Variants in MIA2 observed in about 807,000 individuals in gnomAD.
MIA2 encodes the protein MIA SH3 domain ER export factor 2.
In MIA2, 127 loss-of-function variants were observed where a neutral mutation model predicts 167.8. That is an observed-to-expected ratio of 0.76 (90% CI 0.66 to 0.88). The LOEUF (loss-of-function observed/expected upper bound fraction) is 0.88, where lower values mean the gene tolerates loss of function less well. Among genes scored for constraint, MIA2 ranks in the 40% least tolerant of loss-of-function variants. MIA2 has a pLI of 0.00. For missense variants in MIA2, 1,690 were observed against 1,624.7 expected (o/e 1.04, Z -0.69); for synonymous variants, 552 against 541.9 (o/e 1.02, Z -0.26).
At chr14:39,341,224 C>G (rs1465504099) in intron 25 of MIA2, among the ~76,000 whole-genome samples, 1 of 151,950 alleles carries the variant, frequency 6.6e-6, no homozygotes, top group Non-Finnish European at 1.5e-5. Context: ...ATTGCTTGAC[C>G]CTGGGAGGGA....
intron 11 of MIA2, among the ~76,000 whole-genome samples, chr14:39,293,729 G>A (rs868350474): frequency 1.3e-5 from 2 of 152,118 alleles, no homozygotes; most frequent in African/African-American, 2.4e-5. Context: ...AAATCTTGAT[G>A]TATGTGAGAT....
chr14:39,237,148 C>A, intron 2 of MIA2, 93 bp downstream of exon 2: 2 of 1,403,354 alleles, frequency 1.4e-6, no homozygotes, highest in Non-Finnish European at 2.0e-6. Flanking sequence ...GGAAACAGGG[C>A]CTGGCTCTGT....
chr14:39,329,680 G>T (rs182012164), intron 25 of MIA2, among the ~76,000 whole-genome samples: 1 of 151,130 alleles, frequency 6.6e-6, no homozygotes, highest in African/African-American at 2.4e-5. Flanking sequence ...TAGCATGAAG[G>T]GGTGTTGGAT....
At chr14:39,293,031 C>T (rs931203715) in intron 10 of MIA2, among the ~76,000 whole-genome samples, 2 of 152,038 alleles carry the variant, frequency 1.3e-5, no homozygotes, top group African/African-American at 4.8e-5. Context: ...ACTGCAGTGG[C>T]ATAGTTGAGT....
At chr14:39,237,671 A>C (rs1249928488) in intron 2 of MIA2, among the ~76,000 whole-genome samples, 1 of 152,010 alleles carries the variant, frequency 6.6e-6, no homozygotes, top group Non-Finnish European at 1.5e-5. Flanking sequence ...ATTTATTTGG[A>C]GGGACTTCAT....
At chr14:39,314,047 A>G (rs2064864962) in intron 19 of MIA2, among the ~76,000 whole-genome samples, 1 of 152,212 alleles carries the variant, frequency 6.6e-6, no homozygotes, top group Admixed American at 6.5e-5. Context: ...ACCAAGTAAC[A>G]TTTTACTTCA....
chr14:39,315,335 G>T, intron 20 of MIA2: 1 of 178,938 alleles, frequency 5.6e-6, no homozygotes, highest in Non-Finnish European at 1.1e-5. Flanking sequence ...AAATAAAATT[G>T]CCGTATCTCC....
rs773746975 is a variant in MIA2 at position 39,276,916 on chromosome 14, C to T, written c.1888-18C>T. On this transcript the variant is annotated intron_variant, in intron 6 of 28. Coordinates refer to ENST00000640607, the MANE Select transcript of MIA2 (RefSeq NM_001329214.4). ...CCAAAAGTACATTTTTAAGAACTTACTTTTCTTTATCTTGAAGGTTGTGGC... is the reference window on the plus strand; with the variant it reads ...CCAAAAGTACATTTTTAAGAACTTATTTTTCTTTATCTTGAAGGTTGTGGC... The T allele has an allele frequency of 1.1e-5, 17 of 1,604,950 alleles. No individual in the cohort carries two copies. The highest frequency in any genetic ancestry group is 4.5e-5 in the East Asian group (2 of 44,790).
At chr14:39,267,310 A>AGCTCCCCCC in intron 6 of MIA2, 1 of 1,488,016 alleles carries the variant, frequency 6.7e-7, no homozygotes, top group Non-Finnish European at 8.9e-7. Context: ...CCTGTCCCCC[A>AGCTCCCCCC]GCTCCCCCCG....
intron 15 of MIA2, among the ~76,000 whole-genome samples, 200 bp downstream of exon 15, chr14:39,302,449 C>T (rs1595350957): frequency 6.6e-6 from 1 of 152,190 alleles, no homozygotes; most frequent in Non-Finnish European, 1.5e-5. Context: ...AGTCTTTCTC[C>T]AGCTGCTCAG....
Position 39,293,398 on chromosome 14 carries a change from TGAGGAG to T in MIA2, c.2319+18_2319+23del, listed in dbSNP as rs1329655737. On this transcript the variant is annotated intron_variant, in intron 11 of 28. Coordinates refer to ENST00000640607, the MANE Select transcript of MIA2 (RefSeq NM_001329214.4). ...GATGAATTGGTAAGGCTTTTTTATT[TGAGGAG>T]AATATAAGAAAAAGAAAGTTACTGA... 1 of 1,453,864 alleles carries T rather than the reference TGAGGAG, an allele frequency of 6.9e-7. No homozygotes were observed. The highest frequency in any genetic ancestry group is 9.5e-7 in the Non-Finnish European group (1 of 1,048,452). The allele number at this position is 1,453,864 out of a possible 1,614,324, so 90.1% of individuals were successfully genotyped here.
At chr14:39,267,017 C>G (rs1222372397) in intron 6 of MIA2, 4 of 970,506 alleles carry the variant, frequency 4.1e-6, no homozygotes, top group Non-Finnish European at 5.0e-6. Context: ...CTCTCCACTA[C>G]CAGGGCTGGG....
chr14:39,346,165 T>TA, intron 26 of MIA2, 139 bp downstream of exon 26: 2 of 716,628 alleles, frequency 2.8e-6, no homozygotes, highest in Non-Finnish European at 4.8e-6. Context: ...ATGTCCTGGT[T>TA]TTATGTTTCT....
intron 14 of MIA2, among the ~76,000 whole-genome samples, chr14:39,300,310 T>C (rs551520679): frequency 5.9e-5 from 9 of 152,272 alleles, no homozygotes; most frequent in African/African-American, 1.7e-4. Flanking sequence ...TGGAAGAGTT[T>C]GAGAAATTGG....
chr14:39,240,998 G>A (rs2054010994), intron 3 of MIA2, among the ~76,000 whole-genome samples: 2 of 152,128 alleles, frequency 1.3e-5, no homozygotes, highest in Admixed American at 6.5e-5. Flanking sequence ...GGGGTGCTGA[G>A]TATAATATAG....
chr14:39,251,345 A>T (rs1266822753), intron 4 of MIA2, among the ~76,000 whole-genome samples: 3 of 151,992 alleles, frequency 2.0e-5, no homozygotes, highest in Non-Finnish European at 2.9e-5. Context: ...AATATTAAAA[A>T]TTATTATTTT....
chr14:39,266,315 G>A, intron 6 of MIA2: 2 of 985,304 alleles, frequency 2.0e-6, no homozygotes, highest in African/African-American at 1.7e-5. Flanking sequence ...CGTCTCCTAC[G>A]AACAAATCCA....
At chr14:39,310,044 A>G (rs1220639490) in intron 18 of MIA2, among the ~76,000 whole-genome samples, 2 of 151,840 alleles carry the variant, frequency 1.3e-5, no homozygotes, top group African/African-American at 2.4e-5. Flanking sequence ...CTTATTATTT[A>G]TAGAATCTGT....
At chr14:39,287,729 AT>A (rs2060017290) in intron 9 of MIA2, among the ~76,000 whole-genome samples, 1 of 151,700 alleles carries the variant, frequency 6.6e-6, no homozygotes, top group African/African-American at 2.4e-5. Context: ...TGGCTGGCTA[AT>A]TTTTTGTATT....
Sources: gnomAD v4.1 joint callset for allele counts (sites outside exome capture counted in the v4.1 genomes callset) on GRCh38, gnomAD v4.1.1 for gene constraint, MANE v1.5 for transcripts, NCBI Gene and HGNC (gene_info 2026-07-23, HGNC 2026-07-21) for gene names.